Variants in GALNTL6 observed in about 807,000 individuals in gnomAD.
GALNTL6 encodes the protein polypeptide N-acetylgalactosaminyltransferase-like 6.
GALNTL6 carries 46 observed loss-of-function variants against 73.7 expected under a neutral mutation model. The observed-to-expected ratio is 0.62, with a 90% CI of 0.49 to 0.80. The LOEUF is 0.80. Among genes scored for constraint, GALNTL6 ranks in the 30% least tolerant of loss-of-function variants. The pLI is 0.00. For synonymous variants in GALNTL6, 259 were observed against 263.7 expected (o/e 0.98, Z 0.17); for missense variants, 604 against 755.0 (o/e 0.80, Z 2.34).
At chr4:172,188,028 T>A (rs1486698502) in intron 2 of GALNTL6, among the ~76,000 whole-genome samples, 1 of 152,222 alleles carries the variant, frequency 6.6e-6, no homozygotes. Flanking sequence ...TTAGGCCAGT[T>A]CATCATTCAG....
chr4:172,415,872 T>C (rs567427329), intron 5 of GALNTL6, among the ~76,000 whole-genome samples: 1 of 152,272 alleles, frequency 6.6e-6, no homozygotes, highest in East Asian at 1.9e-4. Flanking sequence ...TTCCATGCAA[T>C]GTCTGGAATC....
chr4:172,142,661 C>T (rs1319327647), intron 2 of GALNTL6, among the ~76,000 whole-genome samples: 3 of 151,980 alleles, frequency 2.0e-5, no homozygotes, highest in Non-Finnish European at 4.4e-5. Context: ...ACATTTCTTG[C>T]ATTACTCATA....
chr4:172,759,473 G>T (rs1737940183), intron 5 of GALNTL6, among the ~76,000 whole-genome samples: 1 of 152,218 alleles, frequency 6.6e-6, no homozygotes, highest in Non-Finnish European at 1.5e-5. Flanking sequence ...CTTGCAGGAT[G>T]CAATCATATA....
intron 5 of GALNTL6, among the ~76,000 whole-genome samples, chr4:172,480,355 G>T (rs2111480346): frequency 6.6e-6 from 1 of 151,812 alleles, no homozygotes; most frequent in African/African-American, 2.4e-5. Flanking sequence ...TCTCTTTAGT[G>T]GCCTCTGGTC....
intron 10 of GALNTL6, among the ~76,000 whole-genome samples, chr4:172,979,091 G>C (rs1750963601): frequency 6.6e-6 from 1 of 152,284 alleles, no homozygotes; most frequent in Non-Finnish European, 1.5e-5. Context: ...CAGTGATTTT[G>C]GTACTAATAG....
At chr4:172,317,014 G>T (rs1267319042) in intron 4 of GALNTL6, among the ~76,000 whole-genome samples, 1 of 152,124 alleles carries the variant, frequency 6.6e-6, no homozygotes, top group African/African-American at 2.4e-5. Flanking sequence ...CTCTGAAAAG[G>T]TGGAGAAAGG....
chr4:172,419,671 C>T (rs910528196), intron 5 of GALNTL6, among the ~76,000 whole-genome samples: 16 of 152,056 alleles, frequency 1.1e-4, no homozygotes, highest in Non-Finnish European at 1.9e-4. Context: ...GAAGTGAGGA[C>T]GACATACATT....
chr4:172,741,407 G>T (rs946491032), intron 5 of GALNTL6, among the ~76,000 whole-genome samples: 2 of 152,052 alleles, frequency 1.3e-5, no homozygotes, highest in Admixed American at 6.6e-5. Flanking sequence ...GTGCCTTCCA[G>T]TCTTCCTCTC....
chr4:172,443,840 A>G (rs541403760), intron 5 of GALNTL6, among the ~76,000 whole-genome samples: 1 of 152,324 alleles, frequency 6.6e-6, no homozygotes, highest in East Asian at 1.9e-4. Context: ...ATTCCCTCCA[A>G]GGAAAGGTGT....
At chr4:172,170,220 T>A (rs6823993) in intron 2 of GALNTL6, among the ~76,000 whole-genome samples, 66,953 of 152,012 alleles carry the variant, frequency 0.44, 17,131 homozygotes, top group East Asian at 0.8. Flanking sequence ...AATCCCCACG[T>A]GTCAAGGGAG....
At chr4:172,856,932 A>G (rs2111124736) in intron 7 of GALNTL6, among the ~76,000 whole-genome samples, 1 of 152,356 alleles carries the variant, frequency 6.6e-6, no homozygotes, top group South Asian at 2.1e-4. Context: ...GGACTTTAAT[A>G]AATAGGAAGG....
intron 2 of GALNTL6, among the ~76,000 whole-genome samples, chr4:172,124,685 A>C (rs952398975): frequency 6.6e-6 from 1 of 152,206 alleles, no homozygotes; most frequent in Admixed American, 6.5e-5. Context: ...AAACAAATCT[A>C]CTGAAGAGTG....
chr4:173,037,326 A>C (rs1579812081), intron 12 of GALNTL6, among the ~76,000 whole-genome samples: 1 of 152,232 alleles, frequency 6.6e-6, no homozygotes, highest in East Asian at 1.9e-4. Context: ...GATTTATCTA[A>C]TCCCCCCCAC....
At chr4:172,734,291 C>T (rs1736322117) in intron 5 of GALNTL6, among the ~76,000 whole-genome samples, 1 of 152,148 alleles carries the variant, frequency 6.6e-6, no homozygotes, top group African/African-American at 2.4e-5. Flanking sequence ...TTCTGGGGAG[C>T]AATTCAAGTC....
At chr4:172,093,634 C>A (rs1007758392) in intron 2 of GALNTL6, among the ~76,000 whole-genome samples, 3 of 152,156 alleles carry the variant, frequency 2.0e-5, no homozygotes, top group Admixed American at 2.0e-4. Context: ...CACTCTCATC[C>A]TTCCCTGAGC....
intron 2 of GALNTL6, among the ~76,000 whole-genome samples, chr4:172,181,717 CTTT>C (rs751155404): frequency 7.4e-5 from 10 of 135,122 alleles, no homozygotes; most frequent in Non-Finnish European, 9.6e-5. Context: ...CCCAAATCTT[CTTT>C]TTTTTTTTTT....
intron 5 of GALNTL6, among the ~76,000 whole-genome samples, chr4:172,741,827 A>G (rs1736823137): frequency 6.6e-6 from 1 of 152,012 alleles, no homozygotes; most frequent in Admixed American, 6.6e-5. Context: ...TTCCAACATC[A>G]TAGTCATCTT....
intron 5 of GALNTL6, among the ~76,000 whole-genome samples, chr4:172,689,970 A>G (rs1733168440): frequency 6.6e-6 from 1 of 152,230 alleles, no homozygotes; most frequent in African/African-American, 2.4e-5. Context: ...ATTTGAGGAA[A>G]AAAATTACAA....
chr4:171,933,875 T>A (rs185318469), intron 2 of GALNTL6, among the ~76,000 whole-genome samples: 4 of 152,150 alleles, frequency 2.6e-5, no homozygotes, highest in Non-Finnish European at 4.4e-5. Flanking sequence ...AAAATTCAGT[T>A]AATATTCTTT....
Sources: allele counts gnomAD v4.1 joint callset (sites outside exome capture counted in the v4.1 genomes callset), GRCh38; gene constraint gnomAD v4.1.1; transcripts MANE v1.5; gene names NCBI Gene and HGNC (gene_info 2026-07-23, HGNC 2026-07-21).